PIK3R2: variants seen among roughly 807,000 people sequenced by gnomAD.
The protein encoded by PIK3R2 is phosphatidylinositol 3-kinase regulatory subunit beta.
Under a neutral mutation model 78.5 loss-of-function variants are expected in PIK3R2, and 40 were observed. That is an observed-to-expected ratio of 0.51 (90% confidence interval 0.40 to 0.66). PIK3R2 has a LOEUF of 0.66. Ranked by LOEUF, PIK3R2 falls within the 30% of genes least tolerant of loss-of-function variation. The pLI is 0.00. For synonymous variants in PIK3R2, 473 were observed against 457.7 expected, an observed-to-expected ratio of 1.03 and a Z score of -0.43; for missense variants, 880 against 1,026.6, an observed-to-expected ratio of 0.86 and a Z score of 1.95.
In PIK3R2 at chr19:18,169,337, C is replaced by A; in HGVS notation, c.*43C>A. 1.6e-6 allele frequency: 2 copies of A among 1,240,620 alleles called. No individual in the cohort carries two copies. Among genetic ancestry groups the A allele is most frequent in the South Asian group, 2.0e-5 (1 of 49,996 alleles). The allele number at this position is 1,240,620 out of a possible 1,614,324, so 76.9% of individuals were successfully genotyped here. A position where few individuals can be genotyped will look rare whatever the true frequency, so the allele number is the denominator to read the frequency against. ...CAAGCAGAGCCGCCCCTGGGCCCGT[C>A]TGCGCCGGAGGCTGCGGCGGCGGGA... On this transcript the variant is annotated 3_prime_UTR_variant, in exon 16 of 16. Coordinates refer to ENST00000222254, the MANE Select transcript of PIK3R2 (RefSeq NM_005027.4).
At position 18,162,002 on chromosome 19, in the gene PIK3R2, G is replaced by A. The variant is rs2043753554; in HGVS notation, c.852G>A (p.Val284=). 2 of 1,613,902 alleles carry A rather than the reference G, an allele frequency of 1.2e-6. No individual in the cohort carries two copies. The highest frequency in any genetic ancestry group is 8.5e-7 in the Non-Finnish European group (1 of 1,179,956). The change falls in exon 7 of 16, where the codon GTG becomes GTA. Residue 284 remains valine (V), a synonymous_variant. Coordinates refer to ENST00000222254, the MANE Select transcript of PIK3R2 (RefSeq NM_005027.4). ...GCCCTGACTTCCCGGCGCTGCTGGT[G>A]GAGAAGCTGCTTCAGGAACACTTGG... ...EPSPDFPALL[V]EKLLQEHLEE...
chr19:18,161,290 C>T lies in PIK3R2; in HGVS notation c.610C>T (p.Pro204Ser). The change falls in exon 6 of 16, where the codon CCC becomes TCC. Residue 204 changes from proline to serine, a missense_variant. This residue lies in a region of PIK3R2 where 456 missense variants were observed against 486.6 expected (regional missense o/e 0.94). Coordinates refer to ENST00000222254, the MANE Select transcript of PIK3R2 (RefSeq NM_005027.4). This position sits in a 1 kb window ranked among gnomAD's most constrained non-coding sequence, Gnocchi z 5.3. Reference sequence around the variant, plus strand: ...CCATCTGTCCGCAGAGGCCGCGGGGCCCGTGGGGCCGGCGCTGGAGCCACC... The same window carrying T: ...CCATCTGTCCGCAGAGGCCGCGGGGTCCGTGGGGCCGGCGCTGGAGCCACC... ...ARRALREAAGPVGPALEPPTL... is the reference protein window; with the variant it reads ...ARRALREAAGSVGPALEPPTL... 1.4e-6 allele frequency: 2 copies of T among 1,387,328 alleles called. No homozygotes were observed. The highest frequency in any genetic ancestry group is 3.2e-5 in the South Asian group (2 of 62,454). 85.9% of individuals were successfully genotyped at this position (1,387,328 alleles called of 1,614,324 possible).
chr19:18,156,039 G>A lies in PIK3R2; in HGVS notation c.160G>A (p.Val54Met), dbSNP rs201370957. 3.8e-3 allele frequency: 5,910 copies of A among 1,561,330 alleles called. 18 individuals carry two copies. Among genetic ancestry groups the A allele is most frequent in the Non-Finnish European group, 4.8e-3 (5,590 of 1,153,360 alleles). Residue 54 changes from valine to methionine, a missense_variant, in exon 2 of 16, where the codon GTG (valine) becomes ATG (methionine). Transcript: ENST00000222254. This position sits in a 1 kb window ranked among gnomAD's most constrained non-coding sequence, Gnocchi z 4.2. Reference sequence around the variant, plus strand: ...GGGTGGCGAGCGCTGCCCACAGAGCGTGGGCTGGATGCCCGGCCTCAACGA... The same window carrying A: ...GGGTGGCGAGCGCTGCCCACAGAGCATGGGCTGGATGCCCGGCCTCAACGA... ...AEGGERCPQS[V>M]GWMPGLNERT...
Position 18,166,290 on chromosome 19 carries a change from A to G in PIK3R2, c.1547A>G (p.Lys516Arg). 3.1e-6 allele frequency: 5 copies of G among 1,614,098 alleles called. No homozygotes were observed. Among genetic ancestry groups the G allele is most frequent in the Non-Finnish European group, 4.2e-6 (5 of 1,179,966 alleles). Residue 516 changes from lysine (K) to arginine (R), a missense_variant, in exon 12 of 16, where the codon AAA becomes AGA. Coordinates refer to ENST00000222254, the MANE Select transcript of PIK3R2 (RefSeq NM_005027.4). ...LERFRREGNE[K>R]EMQRILLNSE... Reference sequence around the variant, plus strand: ...CGCTTCCGGCGTGAGGGCAACGAGAAAGAGATGCAAAGGTGAGTCTGGCGC... The same window carrying G: ...CGCTTCCGGCGTGAGGGCAACGAGAGAGAGATGCAAAGGTGAGTCTGGCGC...
At chr19:18,169,044 G>A (rs1357408577) in intron 15 of PIK3R2, 43 bp from the exon 16 acceptor site, 1 of 1,584,848 alleles carries the variant, frequency 6.3e-7, no homozygotes, top group African/African-American at 1.3e-5. Flanking sequence ...AAGCTTGGCG[G>A]GGAGGCCAGC....
chr19:18,160,036 C>T (rs888909212), intron 2 of PIK3R2, among the ~76,000 whole-genome samples: 1 of 152,152 alleles, frequency 6.6e-6, no homozygotes, highest in Admixed American at 6.6e-5. Flanking sequence ...GCCATCCTGG[C>T]CGGCTTTCTC....
rs778040637 is a variant in PIK3R2 at position 18,168,924 on chromosome 19, C to G, written c.1979+28C>G. 3.1e-6 allele frequency: 5 copies of G among 1,598,526 alleles called. No individual in the cohort carries two copies. Among genetic ancestry groups the G allele is most frequent in the Non-Finnish European group, 3.4e-6 (4 of 1,172,250 alleles). ...GAGTGGACCGCAGCGGTGGGGATTCCCGCGTCCCTCCCAGAGCTCTCATTG... is the reference window on the plus strand; with the variant it reads ...GAGTGGACCGCAGCGGTGGGGATTCGCGCGTCCCTCCCAGAGCTCTCATTG... On this transcript the variant is annotated intron_variant, in intron 15 of 15. Transcript: ENST00000222254. This position sits in a 1 kb window ranked among gnomAD's most constrained non-coding sequence, Gnocchi z 4.1.
At chr19:18,157,220 G>A (rs900058440) in intron 2 of PIK3R2, among the ~76,000 whole-genome samples, 1 of 152,222 alleles carries the variant, frequency 6.6e-6, no homozygotes, top group African/African-American at 2.4e-5. Context: ...CAGGCATCTG[G>A]TATCTCCAGG....
At position 18,163,396 on chromosome 19, in the gene PIK3R2, A is replaced by C. The variant is rs773290363; in HGVS notation, c.1416+8A>C. The C allele has an allele frequency of 3.6e-5, 58 of 1,613,964 alleles. No homozygotes were observed. The highest frequency in any genetic ancestry group is 4.7e-5 in the Non-Finnish European group (56 of 1,179,962). On this transcript the variant is annotated splice_region_variant and intron_variant, in intron 11 of 15. Coordinates refer to ENST00000222254, the MANE Select transcript of PIK3R2 (RefSeq NM_005027.4). ...TACACACGGACCTCCCAGGTACTCC[A>C]GGCCCCGTACATGAGGGAAACCGAG...
intron 11 of PIK3R2, among the ~76,000 whole-genome samples, chr19:18,163,621 C>G (rs776511195): frequency 7.2e-5 from 11 of 152,092 alleles, no homozygotes; most frequent in Non-Finnish European, 1.2e-4. Context: ...CCCAACAGTT[C>G]AAGATCCTTC....
rs754613799 is a variant in PIK3R2 at position 18,160,552 on chromosome 19, T to C, written c.404T>C (p.Ile135Thr). The change falls in exon 3 of 16, where the codon ATT (isoleucine) becomes ACT (threonine). Residue 135 changes from isoleucine (I) to threonine (T), a missense_variant. By Grantham distance (89) the Ile-to-Thr change is moderately conservative. Coordinates refer to ENST00000222254, the MANE Select transcript of PIK3R2 (RefSeq NM_005027.4). ...CTTCTGGTGAAGCTTGTGGAGGCCA[T>C]TGAAAGGACAGGTAAGTTCCAGCCT... ...PPLLVKLVEA[I>T]ERTGLDSESH... 1.4e-4 allele frequency: 220 copies of C among 1,612,798 alleles called. No individual in the cohort carries two copies. The highest frequency in any genetic ancestry group is 1.8e-4 in the Admixed American group (11 of 59,982).
Position 18,167,281 on chromosome 19 carries a change from C to A in PIK3R2, c.1711C>A (p.Arg571Ser). Residue 571 changes from arginine (R) to serine (S), a missense_variant, in exon 13 of 16, where the codon CGC becomes AGC. Arg to Ser is a moderately radical substitution (Grantham distance 110). This residue lies in a region of PIK3R2 where 268 missense variants were observed against 299.1 expected (regional missense o/e 0.90). Transcript: ENST00000222254. This position sits in a 1 kb window ranked among gnomAD's most constrained non-coding sequence, Gnocchi z 4.5. ...CCTCAAGCCGGACCTCATGCAGCTG[C>A]GCAAGATCCGAGACCAGTACCTCGT... ...NSLKPDLMQL[R>S]KIRDQYLVWL... The A allele has an allele frequency of 6.2e-7, 1 of 1,604,796 alleles. No homozygotes were observed. Among genetic ancestry groups the A allele is most frequent in the Non-Finnish European group, 8.5e-7 (1 of 1,175,994 alleles).
At chr19:18,162,087 G>A (rs1353849631) in intron 7 of PIK3R2, 36 bp downstream of exon 7, 4 of 1,594,500 alleles carry the variant, frequency 2.5e-6, no homozygotes, top group Non-Finnish European at 3.4e-6. Flanking sequence ...TCTTCCCGTT[G>A]GGGGCCGTAA....
chr19:18,164,496 T>A (rs1229501781), intron 11 of PIK3R2, among the ~76,000 whole-genome samples: 1 of 152,034 alleles, frequency 6.6e-6, no homozygotes, highest in Non-Finnish European at 1.5e-5. Flanking sequence ...AAAATAAAAA[T>A]TAAGTGAAAG....
chr19:18,169,436 CCT>C lies in PIK3R2; in HGVS notation c.*145_*146del. On this transcript the variant is annotated 3_prime_UTR_variant, in exon 16 of 16. Coordinates refer to ENST00000222254, the MANE Select transcript of PIK3R2 (RefSeq NM_005027.4). The stretch of plus-strand genomic sequence containing the variant: ...TGGCTCTTGTTTGGGGTTCTCTCAC[CCT>C]CTTTCTCTTTCCTTCCCTCCCCCAT... 1 of 380,400 alleles carries C rather than the reference CCT, an allele frequency of 2.6e-6. No individual in the cohort carries two copies. Among genetic ancestry groups the C allele is most frequent in the East Asian group, 4.2e-5 (1 of 23,700 alleles). 23.6% of individuals were successfully genotyped at this position (380,400 alleles called of 1,614,324 possible). A position where few individuals can be genotyped will look rare whatever the true frequency, so the allele number is the denominator to read the frequency against.
rs1448773415 is a variant in PIK3R2 at position 18,161,404 on chromosome 19, G to A, written c.724G>A (p.Ala242Thr). Reference sequence around the variant, plus strand: ...CAGCCGCGCCCCGGCCCTGGGTCCCGCGGTCCGGGCCCTGGGCGCCACCTT... The same window carrying A: ...CAGCCGCGCCCCGGCCCTGGGTCCCACGGTCCGGGCCCTGGGCGCCACCTT... ...VASRAPALGP[A>T]VRALGATFGP... The change falls in exon 6 of 16, where the codon GCG becomes ACG. Residue 242 changes from alanine (A) to threonine (T), a missense_variant. This residue lies in a region of PIK3R2 where 456 missense variants were observed against 486.6 expected (regional missense o/e 0.94). Transcript: ENST00000222254. This position sits in a 1 kb window ranked among gnomAD's most constrained non-coding sequence, Gnocchi z 5.3. 1 of 1,217,848 alleles carries A rather than the reference G, an allele frequency of 8.2e-7. No homozygotes were observed. Among genetic ancestry groups the A allele is most frequent in the Non-Finnish European group, 1.0e-6 (1 of 980,404 alleles). 75.4% of individuals were successfully genotyped at this position (1,217,848 alleles called of 1,614,324 possible). A position where few individuals can be genotyped will look rare whatever the true frequency, so the allele number is the denominator to read the frequency against.
At chr19:18,162,140 A>C in intron 7 of PIK3R2, 62 bp from the exon 8 acceptor site, 1 of 1,434,374 alleles carries the variant, frequency 7.0e-7, no homozygotes, top group Non-Finnish European at 9.8e-7. Context: ...GGCTGGTTGC[A>C]GTGGGAGGCA....
intron 15 of PIK3R2, 30 bp from the exon 16 acceptor site, chr19:18,169,057 T>G: frequency 6.3e-7 from 1 of 1,594,358 alleles, no homozygotes; most frequent in Non-Finnish European, 8.6e-7. Context: ...AGGCCAGCCT[T>G]CCGACTCCCC....
At position 18,155,798 on chromosome 19, in the gene PIK3R2, C is replaced by T. The variant is rs926051243; in HGVS notation, c.-82C>T. 39 of 1,346,804 alleles carry T rather than the reference C, an allele frequency of 2.9e-5. No homozygotes were observed. The highest frequency in any genetic ancestry group is 1.9e-4 in the Middle Eastern group (1 of 5,386). 83.4% of individuals were successfully genotyped at this position (1,346,804 alleles called of 1,614,324 possible). ...ACCCCAAGCCAACCCAGCGGACCCT[C>T]CCAGCCCTGCTTCAACCAATGGGGC... On this transcript the variant is annotated 5_prime_UTR_variant, in exon 2 of 16. Coordinates refer to ENST00000222254, the MANE Select transcript of PIK3R2 (RefSeq NM_005027.4).
Sources: gnomAD v4.1 joint callset for allele counts (sites outside exome capture counted in the v4.1 genomes callset) on GRCh38, gnomAD v4.1.1 for gene constraint, gnomAD v4.1.1 regional missense constraint, Gnocchi (gnomAD v3.1) non-coding constraint, MANE v1.5 for transcripts, NCBI Gene and HGNC (gene_info 2026-07-23, HGNC 2026-07-21) for gene names.